Variants in DYNLL1 observed in about 807,000 individuals in gnomAD.
DYNLL1 encodes dynein light chain 1, cytoplasmic.
DYNLL1 carries 3 observed loss-of-function variants against 10.1 expected under a neutral mutation model. That is an observed-to-expected ratio of 0.30 (90% CI 0.14 to 0.77). The LOEUF (loss-of-function observed/expected upper bound fraction) is 0.77, where lower values mean the gene tolerates loss of function less well. DYNLL1 is among the 30% of genes least tolerant of loss of function. The pLI is 0.66. For synonymous variants in DYNLL1, 46 were observed against 41.2 expected (o/e 1.12, Z -0.45); for missense variants, 47 against 111.7 (o/e 0.42, Z 2.61).
At chr12:120,490,905 T>G (rs1164844043) in intron 1 of DYNLL1, 1 of 152,232 alleles carries the variant, frequency 6.6e-6, no homozygotes, top group Non-Finnish European at 1.5e-5. Flanking sequence ...CTTTGCCATG[T>G]GCCCAGTACT....
In DYNLL1 at chr12:120,498,272, C is replaced by T. The variant is rs1483404806; in HGVS notation, c.*62C>T. On this transcript the variant is annotated 3_prime_UTR_variant, in exon 3 of 3. Coordinates refer to ENST00000242577, the MANE Select transcript of DYNLL1 (RefSeq NM_003746.3). Reference sequence around the variant, plus strand: ...AAAAACAAGGACTGCAGCCTAAATTCCAAATACCAGAGACTGAAATTTTCA... The same window carrying T: ...AAAAACAAGGACTGCAGCCTAAATTTCAAATACCAGAGACTGAAATTTTCA... 106 of 1,554,472 alleles carry T rather than the reference C, an allele frequency of 6.8e-5. No individual in the cohort carries two copies. In the East Asian group the frequency reaches 2.3e-3, roughly 34 times the overall value.
In DYNLL1 at chr12:120,496,560, A is replaced by G; in HGVS notation, c.132+7A>G. On this transcript the variant is annotated splice_region_variant and intron_variant, in intron 2 of 2. Transcript: ENST00000242577. ...TGCGGCTCATATCAAGAAGGTGAGG[A>G]TGGGCGCGGGGGCCGATACGCAGCC... 6.2e-7 allele frequency: 1 copy of G among 1,613,668 alleles called. No individual in the cohort carries two copies. Among genetic ancestry groups the G allele is most frequent in the Non-Finnish European group, 8.5e-7 (1 of 1,179,894 alleles).
chr12:120,480,500 G>A (rs1429991233), intron 1 of DYNLL1, among the ~76,000 whole-genome samples: 4 of 152,144 alleles, frequency 2.6e-5, no homozygotes, highest in Admixed American at 6.5e-5. Flanking sequence ...CAGCTTCTCT[G>A]GGATCTGCTG....
chr12:120,496,806 C>CG, intron 2 of DYNLL1: 1 of 609,056 alleles, frequency 1.6e-6, no homozygotes, highest in Non-Finnish European at 2.8e-6. Flanking sequence ...GCAACGGTAT[C>CG]TAAGATCAGG....
At chr12:120,485,447 G>C (rs1423429613) in intron 1 of DYNLL1, among the ~76,000 whole-genome samples, 1 of 151,436 alleles carries the variant, frequency 6.6e-6, no homozygotes, top group Admixed American at 6.6e-5. Flanking sequence ...GTAGAGACAG[G>C]GTTTTAACAT....
At position 120,496,568 on chromosome 12, in the gene DYNLL1, G is replaced by C. The variant is rs1203307248; in HGVS notation, c.132+15G>C. 3 of 1,613,686 alleles carry C rather than the reference G, an allele frequency of 1.9e-6. No homozygotes were observed. Among genetic ancestry groups the C allele is most frequent in the Non-Finnish European group, 2.5e-6 (3 of 1,179,936 alleles). On this transcript the variant is annotated intron_variant, in intron 2 of 2. Transcript: ENST00000242577. ...ATATCAAGAAGGTGAGGATGGGCGC[G>C]GGGGCCGATACGCAGCCGGGAGCAG...
chr12:120,491,255 T>G (rs1235892693), upstream of DYNLL1: 2 of 152,390 alleles, frequency 1.3e-5, no homozygotes, highest in Non-Finnish European at 2.9e-5. Flanking sequence ...GAAGGGAGGT[T>G]TTCTTTCCCT....
intron 1 of DYNLL1, among the ~76,000 whole-genome samples, chr12:120,486,736 C>T (rs981602655): frequency 3.9e-5 from 6 of 151,982 alleles, no homozygotes; most frequent in Admixed American, 6.6e-5. Flanking sequence ...CCTCCCAAAG[C>T]GCTAGGATTA....
chr12:120,497,405 A>G (rs1486923427), intron 2 of DYNLL1: 2 of 152,710 alleles, frequency 1.3e-5, no homozygotes, highest in African/African-American at 4.8e-5. Context: ...TGGACAGGGT[A>G]GTAGATTAGC....
intron 1 of DYNLL1, among the ~76,000 whole-genome samples, chr12:120,483,080 C>T (rs1878917488): frequency 6.6e-6 from 1 of 151,964 alleles, no homozygotes; most frequent in Non-Finnish European, 1.5e-5. Context: ...TGGCTTACAC[C>T]TGTAATCCCA....
At chr12:120,490,904 G>A (rs1879111192) in intron 1 of DYNLL1, 1 of 152,194 alleles carries the variant, frequency 6.6e-6, no homozygotes. Context: ...TCTTTGCCAT[G>A]TGCCCAGTAC....
chr12:120,475,232 G>A (rs1878729990), intron 1 of DYNLL1, among the ~76,000 whole-genome samples: 1 of 152,156 alleles, frequency 6.6e-6, no homozygotes, highest in African/African-American at 2.4e-5. Flanking sequence ...GCCCAAACAG[G>A]TGGGAACACA....
At chr12:120,484,974 A>G (rs1878959960) in intron 1 of DYNLL1, among the ~76,000 whole-genome samples, 1 of 152,186 alleles carries the variant, frequency 6.6e-6, no homozygotes, top group Non-Finnish European at 1.5e-5. Flanking sequence ...TTCTGACCGC[A>G]AGTGATCCAA....
intron 1 of DYNLL1, among the ~76,000 whole-genome samples, chr12:120,474,630 G>A (rs1878717085): frequency 1.3e-5 from 2 of 152,166 alleles, no homozygotes; most frequent in African/African-American, 4.8e-5. Context: ...AAAACATGCT[G>A]CAAACCTGCC....
intron 1 of DYNLL1, among the ~76,000 whole-genome samples, chr12:120,489,297 T>C (rs937000858): frequency 6.6e-6 from 1 of 152,210 alleles, no homozygotes; most frequent in Non-Finnish European, 1.5e-5. Context: ...CCACTTGGAA[T>C]ATCTAATAGG....
rs1868417884 is a variant in DYNLL1, at chr12:120,496,567, C to T, written c.132+14C>T. 1 of 1,613,458 alleles carries T rather than the reference C, an allele frequency of 6.2e-7. No homozygotes were observed. Among genetic ancestry groups the T allele is most frequent in the Non-Finnish European group, 8.5e-7 (1 of 1,179,850 alleles). The stretch of plus-strand genomic sequence containing the variant: ...CATATCAAGAAGGTGAGGATGGGCG[C>T]GGGGGCCGATACGCAGCCGGGAGCA... On this transcript the variant is annotated intron_variant, in intron 2 of 2. Transcript: ENST00000242577.
At chr12:120,481,871 AG>A (rs1438637302) in intron 1 of DYNLL1, among the ~76,000 whole-genome samples, 2 of 152,200 alleles carry the variant, frequency 1.3e-5, no homozygotes, top group African/African-American at 4.8e-5. Flanking sequence ...TTTTAGAGAC[AG>A]GGGTCTCGCT....
Position 120,498,182 on chromosome 12 carries a change from T to C in DYNLL1, c.242T>C (p.Val81Ala), listed in dbSNP as rs1868527710. The C allele has an allele frequency of 6.2e-7, 1 of 1,613,830 alleles. No individual in the cohort carries two copies. Among genetic ancestry groups the C allele is most frequent in the African/African-American group, 1.3e-5 (1 of 74,948 alleles). Residue 81 changes from valine to alanine, a missense_variant, in exon 3 of 3, where the codon GTG (valine) becomes GCG (alanine). Transcript: ENST00000242577. ...KHFIYFYLGQ[V>A]AILLFKSG Reference sequence around the variant, plus strand: ...TTCATCTACTTCTACCTGGGCCAAGTGGCCATTCTTCTGTTCAAATCTGGT... The same window carrying C: ...TTCATCTACTTCTACCTGGGCCAAGCGGCCATTCTTCTGTTCAAATCTGGT...
chr12:120,477,530 C>T lies in DYNLL1; in HGVS notation c.-7+7426C>T, dbSNP rs112090011. On this transcript the variant is annotated intron_variant, in intron 1 of 2. Transcript: ENST00000392509. ...CTGTAATCCCAGCACTCTGGGAACTCGCTTGAGCCCAGGAGTTCCAGACCA... is the reference window on the plus strand; with the variant it reads ...CTGTAATCCCAGCACTCTGGGAACTTGCTTGAGCCCAGGAGTTCCAGACCA... Among the ~76,000 whole-genome samples, 1,217 of 151,964 alleles carry T rather than the reference C, an allele frequency of 8.0e-3. 21 individuals carry two copies. The highest frequency in any genetic ancestry group is 0.028 in the African/African-American group (1,144 of 41,422).
Sources: allele counts gnomAD v4.1 joint callset (sites outside exome capture counted in the v4.1 genomes callset), GRCh38; gene constraint gnomAD v4.1.1; transcripts MANE v1.5; gene names NCBI Gene and HGNC (gene_info 2026-07-23, HGNC 2026-07-21).